Variants in NDUFS8 observed in about 807,000 individuals in gnomAD.
The protein encoded by NDUFS8 is NADH dehydrogenase [ubiquinone] iron-sulfur protein 8, mitochondrial.
A neutral mutation model predicts 25.6 loss-of-function variants in NDUFS8; 13 were observed. The observed-to-expected ratio is 0.51, with a 90% CI of 0.33 to 0.81. The LOEUF is 0.81. Ranked by LOEUF, NDUFS8 falls within the 30% of genes least tolerant of loss-of-function variation. The pLI, the probability that NDUFS8 is intolerant of heterozygous loss-of-function variation, is 0.02. For synonymous variants in NDUFS8, 119 were observed against 119.4 expected (o/e 1.00, Z 0.02); for missense variants, 257 against 300.9 (o/e 0.85, Z 1.08).
At position 68,032,910 on chromosome 11, in the gene NDUFS8, C is replaced by G; in HGVS notation, c.110-13C>G. 6.2e-7 allele frequency: 1 copy of G among 1,613,456 alleles called. No individual in the cohort carries two copies. Among genetic ancestry groups the G allele is most frequent in the Non-Finnish European group, 8.5e-7 (1 of 1,179,762 alleles). ...GGCCTCTTGCCATGGCCTCCCTGCC[C>G]GCCTCTCTGCAGAGTATGTGAACAT... On this transcript the variant is annotated splice_polypyrimidine_tract_variant and intron_variant, in intron 3 of 6. Transcript: ENST00000313468.
chr11:68,033,558 G>C (rs1250239989), intron 5 of NDUFS8: 1 of 539,452 alleles, frequency 1.9e-6, no homozygotes, highest in Non-Finnish European at 3.4e-6. Flanking sequence ...TGACCCCTGG[G>C]CCTCTGAGCC....
intron 5 of NDUFS8, 79 bp from the exon 6 acceptor site, chr11:68,036,174 G>T: frequency 6.2e-7 from 1 of 1,601,872 alleles, no homozygotes. Context: ...CCCCAGGGGT[G>T]GGGATGAGCA....
intron 3 of NDUFS8, chr11:68,032,659 C>A: frequency 1.1e-6 from 1 of 905,438 alleles, no homozygotes; most frequent in Non-Finnish European, 1.6e-6. Context: ...CCCCTTGATT[C>A]CTCTTTCAAG....
chr11:68,033,575 T>G, intron 5 of NDUFS8: 1 of 510,584 alleles, frequency 2.0e-6, no homozygotes, highest in East Asian at 3.5e-5. Flanking sequence ...AGCCATGGGG[T>G]GACACCTGAG....
chr11:68,034,397 T>C (rs1854839148), intron 5 of NDUFS8: 1 of 152,198 alleles, frequency 6.6e-6, no homozygotes, highest in Non-Finnish European at 1.5e-5. Flanking sequence ...TGGAGAGAAG[T>C]AGATTTAAGG....
chr11:68,032,201 C>T lies in NDUFS8; in HGVS notation c.50C>T (p.Ala17Val). The stretch of plus-strand genomic sequence containing the variant: ...CTGCTGCGGGCCCTGGCCCAGGCTG[C>T]ACGTGCAGGTAGGACCAAAGAAGCC... ...PMLLRALAQA[A>V]RAGPPGGRSL... Residue 17 changes from alanine (A) to valine (V), a missense_variant, in exon 2 of 7, where the codon GCA becomes GTA. Coordinates refer to ENST00000313468, the MANE Select transcript of NDUFS8 (RefSeq NM_002496.4). 1.2e-6 allele frequency: 2 copies of T among 1,613,342 alleles called. No individual in the cohort carries two copies. The highest frequency in any genetic ancestry group is 1.7e-6 in the Non-Finnish European group (2 of 1,180,032).
chr11:68,033,435 T>C lies in NDUFS8; in HGVS notation c.372+152T>C, dbSNP rs532140902. 1.1e-4 allele frequency: 97 copies of C among 909,356 alleles called. 1 individual carries two copies. The South Asian group carries it at 1.2e-3, about 11-fold the overall frequency. 56.3% of individuals were successfully genotyped at this position (909,356 alleles called of 1,614,324 possible). On this transcript the variant is annotated intron_variant, in intron 5 of 6. Coordinates refer to ENST00000313468, the MANE Select transcript of NDUFS8 (RefSeq NM_002496.4). ...GAGCCACTTCCCTCGTGAATGGGAA[T>C]GATGAGGGCTTGTTACCAGAGCACA... is the stretch of plus-strand genomic sequence containing the variant.
In NDUFS8 at chr11:68,033,527, C is replaced by G. The variant is rs1854815408; in HGVS notation, c.372+244C>G. ...GGCGCCTGACACACAGAGGTTCCCC[C>G]TTGGGGTCTGGCCAAGGGTGTGACC... On this transcript the variant is annotated intron_variant, in intron 5 of 6. Coordinates refer to ENST00000313468, the MANE Select transcript of NDUFS8 (RefSeq NM_002496.4). The G allele has an allele frequency of 8.2e-6, 5 of 606,846 alleles. No homozygotes were observed. The South Asian group carries it at 9.1e-5, about 11-fold the overall frequency. The allele number at this position is 606,846 out of a possible 1,614,324, so 37.6% of individuals were successfully genotyped here. A position where few individuals can be genotyped will look rare whatever the true frequency, so the allele number is the denominator to read the frequency against.
rs1462335227 is a variant in NDUFS8 at position 68,036,367 on chromosome 11, G to A, written c.487G>A (p.Asp163Asn). Residue 163 changes from aspartate (D) to asparagine (N), a missense_variant, in exon 6 of 7, where the codon GAT becomes AAT. Coordinates refer to ENST00000313468, the MANE Select transcript of NDUFS8 (RefSeq NM_002496.4). ...CGFCQEACPV[D>N]AIVEGPNFEF... is the part of the protein sequence containing the mutation. ...CTTCTGCCAGGAGGCCTGTCCCGTG[G>A]ATGCCATCGTCGAGGCACGTGAGGC... 6.2e-7 allele frequency: 1 copy of A among 1,613,776 alleles called. No homozygotes were observed. The highest frequency in any genetic ancestry group is 1.7e-5 in the Admixed American group (1 of 60,024).
At chr11:68,035,172 C>T (rs1401283713) in intron 5 of NDUFS8, 1 of 153,380 alleles carries the variant, frequency 6.5e-6, no homozygotes, top group African/African-American at 2.4e-5. Context: ...CACAGTGGCT[C>T]ACACCTGTAG....
chr11:68,030,953 A>G (rs1854751973), intron 1 of NDUFS8: 2 of 440,862 alleles, frequency 4.5e-6, no homozygotes, highest in Non-Finnish European at 9.2e-6. Context: ...GTCGGAGATC[A>G]CTGGGAAGGT....
chr11:68,034,342 G>A (rs1854838078), intron 5 of NDUFS8: 1 of 152,210 alleles, frequency 6.6e-6, no homozygotes, highest in South Asian at 2.1e-4. Context: ...GTAGCTTTGG[G>A]GAGCCCCTCA....
intron 3 of NDUFS8, 63 bp from the exon 4 acceptor site, chr11:68,032,860 G>A: frequency 6.5e-7 from 1 of 1,536,528 alleles, no homozygotes; most frequent in Non-Finnish European, 9.0e-7. Flanking sequence ...TGCTCTCCCT[G>A]AGGCTCCAGG....
chr11:68,033,327 T>C (rs1165136262), intron 5 of NDUFS8, 44 bp downstream of exon 5: 11 of 1,579,858 alleles, frequency 7.0e-6, no homozygotes, highest in Admixed American at 1.7e-5. Flanking sequence ...CCCCTGCCAC[T>C]GGGAGAGGGA....
chr11:68,036,171 G>T, intron 5 of NDUFS8, 82 bp from the exon 6 acceptor site: 2 of 1,600,350 alleles, frequency 1.2e-6, no homozygotes, highest in Non-Finnish European at 1.7e-6. Flanking sequence ...AGACCCCAGG[G>T]GTGGGGATGA....
intron 5 of NDUFS8, chr11:68,036,040 AAAC>A: frequency 2.1e-6 from 1 of 485,496 alleles, no homozygotes; most frequent in South Asian, 2.5e-5. Context: ...AAAAAAAAAA[AAAC>A]CAGCAAGGCA....
In NDUFS8 at chr11:68,035,068, C is replaced by CA. The variant is rs35114879; in HGVS notation, c.373-1172dup. 2.4e-3 allele frequency: 289 copies of CA among 121,068 alleles called. 1 individual carries two copies. The highest frequency in any genetic ancestry group is 5.2e-3 in the Admixed American group (62 of 11,970). The allele number at this position is 121,068 out of a possible 1,614,324, so 7.5% of individuals were successfully genotyped here. On this transcript the variant is annotated intron_variant, in intron 5 of 6. Coordinates refer to ENST00000313468, the MANE Select transcript of NDUFS8 (RefSeq NM_002496.4). ...TGGGCCACAGAGCAAGACTTCGTCTCAAAAAAAAAAAAAGGATTTACACTG... is the reference window on the plus strand; with the variant it reads ...TGGGCCACAGAGCAAGACTTCGTCTCAAAAAAAAAAAAAAGGATTTACACTG...
chr11:68,032,727 G>A (rs538947200), intron 3 of NDUFS8, 196 bp from the exon 4 acceptor site: 1 of 788,644 alleles, frequency 1.3e-6, no homozygotes, highest in East Asian at 2.7e-5. Flanking sequence ...ACAGGGAGAG[G>A]TAGGCACGGA....
At position 68,032,156 on chromosome 11, in the gene NDUFS8, G is replaced by T. The variant is rs139334907; in HGVS notation, c.5G>T (p.Arg2Leu). ...CATCCCTTTTTATGCCACCAGATGC[G>T]CTGCCTGACCACGCCTATGCTGCTG... MRCLTTPMLLRA... is the reference protein window; with the variant it reads MLCLTTPMLLRA... Residue 2 changes from arginine to leucine, a missense_variant, in exon 2 of 7, where the codon CGC (arginine) becomes CTC (leucine). Coordinates refer to ENST00000313468, the MANE Select transcript of NDUFS8 (RefSeq NM_002496.4). 6.2e-7 allele frequency: 1 copy of T among 1,612,392 alleles called. No individual in the cohort carries two copies. Among genetic ancestry groups the T allele is most frequent in the South Asian group, 1.1e-5 (1 of 91,006 alleles).
Sources: allele counts gnomAD v4.1 joint callset, GRCh38; gene constraint gnomAD v4.1.1; transcripts MANE v1.5; gene names NCBI Gene and HGNC (gene_info 2026-07-23, HGNC 2026-07-21).